MYH6: variants seen among roughly 807,000 people sequenced by gnomAD.
MYH6 encodes myosin heavy chain 6, also known as myosin-6.
In MYH6, 126 loss-of-function variants were observed where a neutral mutation model predicts 223.2. That is an observed-to-expected ratio of 0.56 (90% CI 0.49 to 0.65). The LOEUF is 0.65. Among genes scored for constraint, MYH6 ranks in the 30% least tolerant of loss-of-function variants. MYH6 has a pLI of 0.00. For missense variants in MYH6, 2,040 were observed against 2,536.4 expected (o/e 0.80, Z 4.20); for synonymous variants, 978 against 1,010.2 (o/e 0.97, Z 0.61).
chr14:23,390,291 G>T lies in MYH6; in HGVS notation c.3498C>A (p.Asn1166Lys). ...GGATSVQIEM[N>K]KKREAEFQKM... is the part of the protein sequence containing the mutation. Reference sequence around the variant, plus strand: ...TCTGGAACTCGGCCTCGCGCTTCTTGTTCATCTCGATCTGCACGGACGTGG... The same window carrying T: ...TCTGGAACTCGGCCTCGCGCTTCTTTTTCATCTCGATCTGCACGGACGTGG... Residue 1166 changes from asparagine (N) to lysine (K), a missense_variant, in exon 26 of 39, where the codon AAC becomes AAA. Physicochemically the swap from Asn to Lys is moderately conservative, Grantham distance 94. This residue lies in a region of MYH6 where 1,203 missense variants were observed against 1,400.2 expected (regional missense o/e 0.86). Coordinates refer to ENST00000405093, the MANE Select transcript of MYH6 (RefSeq NM_002471.4). 6.2e-7 allele frequency: 1 copy of T among 1,602,140 alleles called. No individual in the cohort carries two copies.
At chr14:23,385,304 A>G (rs549102083) in intron 34 of MYH6, among the ~76,000 whole-genome samples, 2 of 152,028 alleles carry the variant, frequency 1.3e-5, no homozygotes, top group Admixed American at 6.6e-5. Flanking sequence ...GCTCTTTAGC[A>G]ACATGTTTAC....
Position 23,389,047 on chromosome 14 carries a change from G to A in MYH6, c.3987C>T (p.Asn1329=), listed in dbSNP as rs1268772368. The A allele has an allele frequency of 8.3e-6, 13 of 1,571,176 alleles. No homozygotes were observed. Among genetic ancestry groups the A allele is most frequent in the African/African-American group, 1.6e-5 (1 of 62,964 alleles). ...RQLEEEGKAK[N]ALAHALQSAR... ...CCGACTGCAGTGCATGGGCCAGGGC[G>A]TTCTTCGCCTGGGGAGGGGGGGGGG... The change falls in exon 29 of 39, where the codon AAC becomes AAT. Residue 1329 remains asparagine, a synonymous_variant. Transcript: ENST00000405093.
rs201850118 is a variant in MYH6 at position 23,407,236 on chromosome 14, C to T, written c.-13G>A. 1.9e-6 allele frequency: 3 copies of T among 1,614,136 alleles called. No homozygotes were observed. The highest frequency in any genetic ancestry group is 3.3e-5 in the Admixed American group (2 of 60,018). On this transcript the variant is annotated splice_region_variant and 5_prime_UTR_variant, in exon 3 of 39. Coordinates refer to ENST00000405093, the MANE Select transcript of MYH6 (RefSeq NM_002471.4). The surrounding 1 kb of genome is among the most constrained non-coding windows in gnomAD (Gnocchi z 5.6). ...GGGCATCGGTCATCTTGGTGCTTCC[C>T]CTGGGTCAGAGACAGGAGGGCTATG... is the stretch of plus-strand genomic sequence containing the variant.
At position 23,384,902 on chromosome 14, in the gene MYH6, G is replaced by A. The variant is rs199952092; in HGVS notation, c.5289+14C>T. 17 of 1,613,648 alleles carry A rather than the reference G, an allele frequency of 1.1e-5. No individual in the cohort carries two copies. The highest frequency in any genetic ancestry group is 3.5e-4 in the Middle Eastern group (2 of 5,672). On this transcript the variant is annotated intron_variant, in intron 35 of 38. Coordinates refer to ENST00000405093, the MANE Select transcript of MYH6 (RefSeq NM_002471.4). Reference sequence around the variant, plus strand: ...TCTGTCTTTAGGGGAGGCGGAAGGTGGGCGGTCACTTACATCCGTGATGGC... The same window carrying A: ...TCTGTCTTTAGGGGAGGCGGAAGGTAGGCGGTCACTTACATCCGTGATGGC...
intron 29 of MYH6, 21 bp downstream of exon 29, chr14:23,388,838 A>T (rs1891128120): frequency 1.9e-6 from 3 of 1,613,784 alleles, no homozygotes; most frequent in African/African-American, 1.3e-5. Flanking sequence ...GAGTCAGGTT[A>T]AGGGGGTATC....
chr14:23,400,555 G>C, intron 13 of MYH6, 129 bp from the exon 14 acceptor site: 2 of 1,579,426 alleles, frequency 1.3e-6, no homozygotes, highest in South Asian at 1.1e-5. Context: ...GTGGAGGAGG[G>C]CTTCCCCTGA....
chr14:23,384,783 T>C (rs1213283692), intron 35 of MYH6, 66 bp from the exon 36 acceptor site: 1 of 1,613,604 alleles, frequency 6.2e-7, no homozygotes, highest in African/African-American at 1.3e-5. Flanking sequence ...CCCCCAAGGA[T>C]CTCCTTTCTC....
intron 20 of MYH6, among the ~76,000 whole-genome samples, chr14:23,395,729 C>T (rs187787289): frequency 1.8e-4 from 27 of 152,224 alleles, no homozygotes; most frequent in Non-Finnish European, 3.7e-4. Flanking sequence ...GGGGTTTCAC[C>T]ATGTTAGCCA....
rs767696152 is a variant in MYH6, at chr14:23,397,553, G to A, written c.1952C>T (p.Ala651Val). ...KKGSSFQTVS[A>V]LHRENLNKLM... ...CTGGGCCCTTCTTACCCGGTGGAGAGCCGACACCGTCTGGAAGGATGAGCC... is the reference window on the plus strand; with the variant it reads ...CTGGGCCCTTCTTACCCGGTGGAGAACCGACACCGTCTGGAAGGATGAGCC... Residue 651 changes from alanine to valine, a missense_variant, in exon 16 of 39, where the codon GCT (alanine) becomes GTT (valine). Coordinates refer to ENST00000405093, the MANE Select transcript of MYH6 (RefSeq NM_002471.4). 1.2e-6 allele frequency: 2 copies of A among 1,614,184 alleles called. No individual in the cohort carries two copies. Among genetic ancestry groups the A allele is most frequent in the Admixed American group, 3.3e-5 (2 of 60,026 alleles).
chr14:23,386,276 G>A lies in MYH6; in HGVS notation c.4959+39C>T, dbSNP rs749619902. 3.7e-6 allele frequency: 6 copies of A among 1,614,016 alleles called. No homozygotes were observed. In the Middle Eastern group the frequency reaches 5.0e-4, roughly 134 times the overall value. ...CACCACTGCTTCTCCAGGCCACATG[G>A]AGGCCAGTCCCCTGAGGGGACCTCC... is the stretch of plus-strand genomic sequence containing the variant. On this transcript the variant is annotated intron_variant, in intron 33 of 38. Transcript: ENST00000405093.
chr14:23,405,551 C>G lies in MYH6; in HGVS notation c.345+76G>C. 1.9e-6 allele frequency: 3 copies of G among 1,607,364 alleles called. No homozygotes were observed. The highest frequency in any genetic ancestry group is 1.7e-6 in the Non-Finnish European group (2 of 1,175,908). On this transcript the variant is annotated intron_variant, in intron 4 of 38. Coordinates refer to ENST00000405093, the MANE Select transcript of MYH6 (RefSeq NM_002471.4). The surrounding 1 kb of genome is among the most constrained non-coding windows in gnomAD (Gnocchi z 4.7). Reference sequence around the variant, plus strand: ...TCCCTTGGGAGTCTCTCCCCCTCTTCTTGGGAGAGCCCCCCTGGCTTATTT... The same window carrying G: ...TCCCTTGGGAGTCTCTCCCCCTCTTGTTGGGAGAGCCCCCCTGGCTTATTT...
chr14:23,403,295 G>T (rs148697308), intron 10 of MYH6, 53 bp downstream of exon 10: 2 of 1,460,708 alleles, frequency 1.4e-6, no homozygotes, highest in African/African-American at 1.4e-5. Flanking sequence ...TGCAGGAGTC[G>T]TTGGGGTGTG....
rs753687385 is a variant in MYH6, at chr14:23,387,747, C to G, written c.4525+11G>C. 4 of 1,613,900 alleles carry G rather than the reference C, an allele frequency of 2.5e-6. 1 individual carries two copies. Among genetic ancestry groups the G allele is most frequent in the Non-Finnish European group, 8.5e-7 (1 of 1,180,000 alleles). On this transcript the variant is annotated intron_variant, in intron 31 of 38. Transcript: ENST00000405093. ...CCAACTCATCTCTGGCCTCTTGGACCCCCAGCACACCCTGAAGGTTCTTGT... is the reference window on the plus strand; with the variant it reads ...CCAACTCATCTCTGGCCTCTTGGACGCCCAGCACACCCTGAAGGTTCTTGT...
rs972681415 is a variant in MYH6 at position 23,403,658 on chromosome 14, C to T, written c.799+57G>A. On this transcript the variant is annotated intron_variant, in intron 9 of 38. Transcript: ENST00000405093. ...AGGAATGATGAGACTGGCCGCCAGG[C>T]AGGGAGAGAAGGCAGAGGGGGACCT... 3.3e-6 allele frequency: 5 copies of T among 1,504,274 alleles called. No individual in the cohort carries two copies. In the African/African-American group the frequency reaches 6.9e-5, roughly 21 times the overall value. The allele number at this position is 1,504,274 out of a possible 1,614,324, so 93.2% of individuals were successfully genotyped here.
Position 23,407,590 on chromosome 14 carries a change from A to C in MYH6, c.-28T>G. Reference sequence around the variant, plus strand: ...GCAGTTCTCACCTGGTTATCCCTTCACGGAGAATCCTGAAGAATCTGGACC... The same window carrying C: ...GCAGTTCTCACCTGGTTATCCCTTCCCGGAGAATCCTGAAGAATCTGGACC... On this transcript the variant is annotated 5_prime_UTR_variant, in exon 2 of 39. Transcript: ENST00000405093. This position sits in a 1 kb window ranked among gnomAD's most constrained non-coding sequence, Gnocchi z 5.6. 1 of 1,180,640 alleles carries C rather than the reference A, an allele frequency of 8.5e-7. No individual in the cohort carries two copies. The highest frequency in any genetic ancestry group is 1.1e-6 in the Non-Finnish European group (1 of 942,708). The allele number at this position is 1,180,640 out of a possible 1,614,324, so 73.1% of individuals were successfully genotyped here. A position where few individuals can be genotyped will look rare whatever the true frequency, so the allele number is the denominator to read the frequency against.
In MYH6 at chr14:23,407,816, G is replaced by A. The variant is rs1027181491; in HGVS notation, c.-46-208C>T. 6.6e-6 allele frequency among the ~76,000 whole-genome samples: 1 copy of A among 152,144 alleles called. No individual in the cohort carries two copies. The highest frequency in any genetic ancestry group is 6.5e-5 in the Admixed American group (1 of 15,270). On this transcript the variant is annotated intron_variant, in intron 1 of 38. Coordinates refer to ENST00000405093, the MANE Select transcript of MYH6 (RefSeq NM_002471.4). This position sits in a 1 kb window ranked among gnomAD's most constrained non-coding sequence, Gnocchi z 5.6. ...CCGAGTCAATATGAGTGCGAGGGAC[G>A]GGGTGTGGAAACAGGGTTAGAAGCA...
chr14:23,403,282 G>A (rs1891668836), intron 10 of MYH6, 66 bp downstream of exon 10: 2 of 1,352,308 alleles, frequency 1.5e-6, no homozygotes, highest in Non-Finnish European at 2.1e-6. Flanking sequence ...GCCCTGCCCT[G>A]CATGCAGGAG....
intron 26 of MYH6, 27 bp downstream of exon 26, chr14:23,390,030 G>A (rs1266726559): frequency 1.4e-5 from 22 of 1,613,472 alleles, no homozygotes; most frequent in Non-Finnish European, 1.7e-5. Context: ...CAGGGGAGAG[G>A]GCGAGGGGAG....
rs368604132 is a variant in MYH6, at chr14:23,383,263, G to A, written c.5623C>T (p.Leu1875=). The part of the protein sequence containing the change: ...RLQDLVDKLQ[L]KVKAYKRQAE... ...TGGCGCTTGTAGGCCTTGACCTTCAGTTGCAGCTTGTCCACCAGGTCCTGT... is the reference window on the plus strand; with the variant it reads ...TGGCGCTTGTAGGCCTTGACCTTCAATTGCAGCTTGTCCACCAGGTCCTGT... The change falls in exon 37 of 39, where the codon CTG becomes TTG. Residue 1875 remains leucine (L), a synonymous_variant. Coordinates refer to ENST00000405093, the MANE Select transcript of MYH6 (RefSeq NM_002471.4). The A allele has an allele frequency of 6.4e-7, 1 of 1,555,070 alleles. No individual in the cohort carries two copies. Among genetic ancestry groups the A allele is most frequent in the African/African-American group, 1.5e-5 (1 of 67,490 alleles).
Sources: gnomAD v4.1 joint callset for allele counts (sites outside exome capture counted in the v4.1 genomes callset) on GRCh38, gnomAD v4.1.1 for gene constraint, gnomAD v4.1.1 regional missense constraint, Gnocchi (gnomAD v3.1) non-coding constraint, MANE v1.5 for transcripts, NCBI Gene and HGNC (gene_info 2026-07-23, HGNC 2026-07-21) for gene names.